RANBP17: variants seen among roughly 807,000 people sequenced by gnomAD.
The protein encoded by RANBP17 is RAN binding protein 17, also known as ran-binding protein 17.
In RANBP17, 158 loss-of-function variants were observed where a neutral mutation model predicts 141.2. The observed-to-expected ratio is 1.12, with a 90% CI of 0.98 to 1.28. RANBP17 has a LOEUF of 1.28. RANBP17 is among the 50% of genes most tolerant of loss of function. The probability of loss-of-function intolerance (pLI) is 0.00; values close to 1 mark genes in which losing one functional copy is unlikely to be tolerated. For missense variants in RANBP17, 1,438 were observed against 1,290.7 expected, an observed-to-expected ratio of 1.11 and a Z score of -1.75; for synonymous variants, 430 against 450.0, an observed-to-expected ratio of 0.96 and a Z score of 0.56.
At chr5:171,027,345 T>C (rs1157859288) in intron 14 of RANBP17, among the ~76,000 whole-genome samples, 1 of 152,222 alleles carries the variant, frequency 6.6e-6, no homozygotes, top group African/African-American at 2.4e-5. Context: ...ATTGGCAGAT[T>C]CATTTTTGTC....
chr5:170,983,173 TA>T, intron 14 of RANBP17: 1 of 476,468 alleles, frequency 2.1e-6, no homozygotes, highest in Admixed American at 2.9e-5. Context: ...GGAGAGAGGC[TA>T]AGGGAAGCTC....
intron 19 of RANBP17, among the ~76,000 whole-genome samples, chr5:171,200,317 G>A (rs1268521042): frequency 6.6e-6 from 1 of 152,182 alleles, no homozygotes; most frequent in Non-Finnish European, 1.5e-5. Context: ...TTATGTGCCT[G>A]TGGGAGCCAT....
At chr5:170,876,580 AT>A (rs1192852495) in intron 1 of RANBP17, among the ~76,000 whole-genome samples, 1 of 151,876 alleles carries the variant, frequency 6.6e-6, no homozygotes, top group Non-Finnish European at 1.5e-5. Flanking sequence ...TTGAAATCTT[AT>A]TTTTGGACTT....
At chr5:171,023,314 T>C (rs4415097) in intron 14 of RANBP17, among the ~76,000 whole-genome samples, 92,876 of 152,100 alleles carry the variant, frequency 0.61, 29,722 homozygotes, top group South Asian at 0.88. Flanking sequence ...AACTTTTATA[T>C]TTCTGTCCTT....
intron 14 of RANBP17, among the ~76,000 whole-genome samples, chr5:171,079,768 G>C (rs968635920): frequency 6.6e-6 from 1 of 152,204 alleles, no homozygotes; most frequent in African/African-American, 2.4e-5. Flanking sequence ...ATAGACTATA[G>C]TATCATGTAA....
chr5:171,121,207 C>A (rs1756007038), intron 14 of RANBP17, among the ~76,000 whole-genome samples: 1 of 152,194 alleles, frequency 6.6e-6, no homozygotes, highest in East Asian at 1.9e-4. Context: ...CGCAGTTGCT[C>A]GGCTGTCCTG....
chr5:171,278,486 G>A (rs954100109), intron 25 of RANBP17, among the ~76,000 whole-genome samples: 2 of 152,090 alleles, frequency 1.3e-5, no homozygotes, highest in Non-Finnish European at 1.5e-5. Context: ...ACTCCAGCCT[G>A]AGACTCCATC....
At chr5:170,973,950 A>G (rs907173722) in intron 14 of RANBP17, among the ~76,000 whole-genome samples, 7 of 152,296 alleles carry the variant, frequency 4.6e-5, no homozygotes, top group African/African-American at 1.7e-4. Context: ...CTACCTCTTA[A>G]TATCATCATG....
At chr5:171,049,221 CTAATGAT>C (rs917131614) in intron 14 of RANBP17, among the ~76,000 whole-genome samples, 4 of 152,182 alleles carry the variant, frequency 2.6e-5, no homozygotes, top group Non-Finnish European at 5.9e-5. Flanking sequence ...TTGCATTTCT[CTAATGAT>C]TAGTGATGCT....
chr5:171,101,852 A>C (rs1787188521), intron 14 of RANBP17, among the ~76,000 whole-genome samples: 1 of 152,132 alleles, frequency 6.6e-6, no homozygotes, highest in Admixed American at 6.5e-5. Flanking sequence ...TTTACTTATG[A>C]AGCTTAGTTT....
chr5:171,255,783 T>C (rs762862427), intron 24 of RANBP17, among the ~76,000 whole-genome samples: 2 of 152,166 alleles, frequency 1.3e-5, no homozygotes, highest in Non-Finnish European at 2.9e-5. Context: ...GTGGGGCTGG[T>C]TTAAGTTGTA....
rs112990398 is a variant in RANBP17, at chr5:171,259,699, G to A, written c.2777-5982G>A. 9.4e-3 allele frequency among the ~76,000 whole-genome samples: 1,426 copies of A among 152,248 alleles called. 25 individuals are homozygous for A. Among genetic ancestry groups the A allele is most frequent in the African/African-American group, 0.033 (1,363 of 41,552 alleles). On this transcript the variant is annotated intron_variant, in intron 24 of 27. Coordinates refer to ENST00000523189, the MANE Select transcript of RANBP17 (RefSeq NM_022897.5). ...AGAGAATGGAAAGATAGATAACAAG[G>A]GTCAGACATGGTGGCTCACGCCCGT... is the stretch of plus-strand genomic sequence containing the variant.
chr5:170,930,645 G>A (rs920189792), intron 12 of RANBP17, among the ~76,000 whole-genome samples: 4 of 152,056 alleles, frequency 2.6e-5, no homozygotes, highest in Non-Finnish European at 4.4e-5. Flanking sequence ...CCACCTATGA[G>A]TGAGAACATG....
At chr5:170,887,969 A>G (rs1468871951) in intron 3 of RANBP17, among the ~76,000 whole-genome samples, 2 of 152,216 alleles carry the variant, frequency 1.3e-5, no homozygotes, top group Non-Finnish European at 2.9e-5. Context: ...CTGCCTCTTA[A>G]GATGTTACAG....
At chr5:171,237,817 G>T (rs906405396) in intron 22 of RANBP17, among the ~76,000 whole-genome samples, 7 of 152,134 alleles carry the variant, frequency 4.6e-5, no homozygotes, top group Non-Finnish European at 7.4e-5. Flanking sequence ...AACTTTCTAG[G>T]TGTGGAGTGG....
intron 1 of RANBP17, among the ~76,000 whole-genome samples, 192 bp from the exon 2 acceptor site, chr5:170,877,905 T>C (rs1348994302): frequency 6.6e-6 from 1 of 152,230 alleles, no homozygotes; most frequent in African/African-American, 2.4e-5. Flanking sequence ...AATTTGTAAG[T>C]AAATAATTTG....
chr5:171,185,391 T>C (rs1304404343), intron 18 of RANBP17, among the ~76,000 whole-genome samples: 4 of 152,232 alleles, frequency 2.6e-5, no homozygotes, highest in Non-Finnish European at 4.4e-5. Context: ...CAAAAGATTT[T>C]TCTGTAGCAT....
intron 20 of RANBP17, among the ~76,000 whole-genome samples, chr5:171,210,770 G>A (rs980049661): frequency 3.3e-5 from 5 of 152,074 alleles, no homozygotes; most frequent in Non-Finnish European, 7.4e-5. Context: ...ACTTTGGGAG[G>A]CCAAGGTGGG....
At chr5:171,185,709 CT>C (rs1761188828) in intron 18 of RANBP17, among the ~76,000 whole-genome samples, 1 of 152,206 alleles carries the variant, frequency 6.6e-6, no homozygotes, top group Non-Finnish European at 1.5e-5. Flanking sequence ...TCTGCAGTTA[CT>C]TCCTGCCCTG....
Sources: gnomAD v4.1 joint callset for allele counts (sites outside exome capture counted in the v4.1 genomes callset) on GRCh38, gnomAD v4.1.1 for gene constraint, MANE v1.5 for transcripts, NCBI Gene and HGNC (gene_info 2026-07-23, HGNC 2026-07-21) for gene names.